FCN1: variants seen among roughly 807,000 people sequenced by gnomAD.
FCN1 encodes ficolin 1.
FCN1 carries 42 observed loss-of-function variants against 35.6 expected under a neutral mutation model. That is an observed-to-expected ratio of 1.18 (90% CI 0.92 to 1.53). FCN1 has a LOEUF of 1.53. Among genes scored for constraint, FCN1 ranks in the 40% most tolerant of loss-of-function variants. FCN1 has a pLI of 0.00. For synonymous variants in FCN1, 179 were observed against 169.8 expected, an observed-to-expected ratio of 1.05 and a Z score of -0.42; for missense variants, 439 against 428.4, an observed-to-expected ratio of 1.02 and a Z score of -0.22.
intron 5 of FCN1, 73 bp from the exon 6 acceptor site, chr9:134,913,216 C>A: frequency 6.3e-7 from 1 of 1,586,818 alleles, no homozygotes; most frequent in South Asian, 1.1e-5. Flanking sequence ...GAGGGAGGCC[C>A]AGGAGGGAGG....
intron 5 of FCN1, 38 bp downstream of exon 5, chr9:134,913,543 C>A: frequency 1.3e-6 from 2 of 1,576,314 alleles, no homozygotes; most frequent in Non-Finnish European, 1.7e-6. Context: ...GGGGTGGGGG[C>A]AAGGCTTGGG....
chr9:134,914,391 C>T lies in FCN1; in HGVS notation c.301G>A (p.Glu101Lys), dbSNP rs1316069783. Residue 101 changes from glutamate to lysine, a missense_variant, in exon 4 of 9, where the codon GAG (glutamate) becomes AAG (lysine). By Grantham distance (56) the Glu-to-Lys change is moderately conservative (BLOSUM62 1). Coordinates refer to ENST00000371806, the MANE Select transcript of FCN1 (RefSeq NM_002003.5). ...GDRGEKGMRG[E>K]KGDAGQSQSC... is the part of the protein sequence containing the mutation. ...GGGCCCACGGGTGGCTCACCTTTCT[C>T]TCCACGCATCCCCTTCTCTCCTCGG... 1.9e-6 allele frequency: 3 copies of T among 1,614,140 alleles called. No individual in the cohort carries two copies. In the South Asian group the frequency reaches 3.3e-5, roughly 18 times the overall value.
rs1830930518 is a variant in FCN1, at chr9:134,905,403, C to G, written c.*4395G>C. Among the ~76,000 whole-genome samples the G allele has an allele frequency of 6.6e-6, 1 of 152,212 alleles. No homozygotes were observed. The highest frequency in any genetic ancestry group is 1.5e-5 in the Non-Finnish European group (1 of 68,042). On this transcript the variant is annotated 3_prime_UTR_variant, in exon 9 of 9. Transcript: ENST00000371806. ...CCATTCAGCTTTATCCCTCAAATCA[C>G]AAAAGCTCTCTCAGTTCTGCTGATG...
intron 6 of FCN1, 111 bp from the exon 7 acceptor site, chr9:134,912,726 G>A (rs773259854): frequency 1.8e-4 from 261 of 1,417,728 alleles, no homozygotes; most frequent in African/African-American, 5.1e-4. Flanking sequence ...ATCACAGGCC[G>A]GTGCCACACG....
In FCN1 at chr9:134,906,863, G is replaced by A. The variant is rs2118928751; in HGVS notation, c.*2935C>T. On this transcript the variant is annotated 3_prime_UTR_variant, in exon 9 of 9. Transcript: ENST00000371806. Reference sequence around the variant, plus strand: ...AGGCGGGTGGATCACTTGAGGTCGGGAGTTCAAGACCAGCCTGGCCAACAC... The same window carrying A: ...AGGCGGGTGGATCACTTGAGGTCGGAAGTTCAAGACCAGCCTGGCCAACAC... The A allele has an allele frequency of 6.6e-6, 1 of 152,278 alleles. No individual in the cohort carries two copies. The highest frequency in any genetic ancestry group is 1.9e-4 in the East Asian group (1 of 5,182). 9.4% of individuals were successfully genotyped at this position (152,278 alleles called of 1,614,324 possible).
At chr9:134,916,323 G>A (rs920375189) in intron 2 of FCN1, 25 bp downstream of exon 2, 2 of 1,561,170 alleles carry the variant, frequency 1.3e-6, no homozygotes, top group Non-Finnish European at 1.8e-6. Context: ...GCCATGCCTG[G>A]CCTCCCCACC....
intron 2 of FCN1, 74 bp from the exon 3 acceptor site, chr9:134,914,883 T>G: frequency 8.0e-7 from 1 of 1,245,200 alleles, no homozygotes; most frequent in Non-Finnish European, 1.2e-6. Context: ...TTGCCCCAAG[T>G]GGTTAAGTCC....
intron 2 of FCN1, 111 bp from the exon 3 acceptor site, chr9:134,914,920 C>T (rs1831072876): frequency 1.3e-6 from 1 of 780,626 alleles, no homozygotes; most frequent in South Asian, 1.6e-5. Flanking sequence ...TGCCTTGAAC[C>T]CCTTCTGGTT....
chr9:134,912,745 T>C lies in FCN1; in HGVS notation c.469-130A>G, dbSNP rs375228420. 1.9e-3 allele frequency: 2,489 copies of C among 1,278,602 alleles called. 64 individuals are homozygous for C. In the South Asian group the frequency reaches 0.032, roughly 16 times the overall value. 79.2% of individuals were successfully genotyped at this position (1,278,602 alleles called of 1,614,324 possible). On this transcript the variant is annotated intron_variant, in intron 6 of 8. Transcript: ENST00000371806. ...CAGGCCGGTGCCACACGCACGCCCATCTGGTCTCCTCACAGACTCCACAGG... is the reference window on the plus strand; with the variant it reads ...CAGGCCGGTGCCACACGCACGCCCACCTGGTCTCCTCACAGACTCCACAGG...
chr9:134,916,534 T>C (rs1831094871), intron 1 of FCN1, 73 bp from the exon 2 acceptor site: 1 of 1,423,898 alleles, frequency 7.0e-7, no homozygotes. Flanking sequence ...TCTGCTCTGC[T>C]GGGGCCTTGG....
At position 134,910,175 on chromosome 9, in the gene FCN1, A is replaced by G. The variant is rs991341868; in HGVS notation, c.734-130T>C. 9 of 850,586 alleles carry G rather than the reference A, an allele frequency of 1.1e-5. No individual in the cohort carries two copies. The East Asian group carries it at 1.9e-4, about 18-fold the overall frequency. The allele number at this position is 850,586 out of a possible 1,614,324, so 52.7% of individuals were successfully genotyped here. On this transcript the variant is annotated intron_variant, in intron 8 of 8. Transcript: ENST00000371806. The stretch of plus-strand genomic sequence containing the variant: ...CGCATGAGCCGAGCTACAGGTGCAC[A>G]AATGACCCACCCAGGCCTTGGAGGA...
chr9:134,909,095 C>G lies in FCN1; in HGVS notation c.*703G>C, dbSNP rs1469837822. ...AGCTTTTCCCACTGAGGTCCGCGGT[C>G]CCCTCTAGCTGAGGTCTGTGTGTGG... On this transcript the variant is annotated 3_prime_UTR_variant, in exon 9 of 9. Coordinates refer to ENST00000371806, the MANE Select transcript of FCN1 (RefSeq NM_002003.5). The G allele has an allele frequency of 1.3e-6, 1 of 744,060 alleles. No homozygotes were observed. Among genetic ancestry groups the G allele is most frequent in the African/African-American group, 1.9e-5 (1 of 53,968 alleles). 46.1% of individuals were successfully genotyped at this position (744,060 alleles called of 1,614,324 possible). A position where few individuals can be genotyped will look rare whatever the true frequency, so the allele number is the denominator to read the frequency against.
At chr9:134,913,451 C>T (rs570092634) in intron 5 of FCN1, 130 bp downstream of exon 5, 40 of 726,302 alleles carry the variant, frequency 5.5e-5, no homozygotes, top group African/African-American at 5.1e-4. Flanking sequence ...GCCCATTACT[C>T]GAGTGATTGA....
At chr9:134,917,506 C>T (rs1831105955) in intron 1 of FCN1, among the ~76,000 whole-genome samples, 2 of 152,180 alleles carry the variant, frequency 1.3e-5, no homozygotes, top group Non-Finnish European at 2.9e-5. Flanking sequence ...TGACAGATTC[C>T]AGACCCACCT....
chr9:134,913,120 G>A lies in FCN1; in HGVS notation c.364C>T (p.Leu122=), dbSNP rs1169112049. The A allele has an allele frequency of 6.2e-7, 1 of 1,613,958 alleles. No homozygotes were observed. The highest frequency in any genetic ancestry group is 1.3e-5 in the African/African-American group (1 of 75,058). The change falls in exon 6 of 9, where the codon CTA becomes TTA. Residue 122 remains leucine (L), a synonymous_variant. Coordinates refer to ENST00000371806, the MANE Select transcript of FCN1 (RefSeq NM_002003.5). The part of the protein sequence containing the change: ...ATGPRNCKDL[L]DRGYFLSGWH... ...CCGCTCAGGAAATACCCCCGGTCTAGCAGGTCCTTGCAGTTGCGTGGGCCT... is the reference window on the plus strand; with the variant it reads ...CCGCTCAGGAAATACCCCCGGTCTAACAGGTCCTTGCAGTTGCGTGGGCCT...
intron 1 of FCN1, 50 bp downstream of exon 1, chr9:134,917,719 G>T: frequency 8.3e-7 from 1 of 1,209,166 alleles, no homozygotes; most frequent in Non-Finnish European, 1.2e-6. Context: ...GTGTCAGTGA[G>T]TGGGGTTGTT....
At chr9:134,910,438 A>G (rs3789920) in intron 8 of FCN1, among the ~76,000 whole-genome samples, 2,752 of 152,160 alleles carry the variant, frequency 0.018, 80 homozygotes, top group South Asian at 0.11. Context: ...CTTCTCCTCT[A>G]TCTCAAGCCC....
At chr9:134,913,644 G>C (rs1204435783) in intron 4 of FCN1, 31 bp from the exon 5 acceptor site, 1 of 1,580,688 alleles carries the variant, frequency 6.3e-7, no homozygotes, top group Non-Finnish European at 8.6e-7. Flanking sequence ...CTTGTCATAA[G>C]CTTGAAATCA....
intron 8 of FCN1, among the ~76,000 whole-genome samples, chr9:134,910,461 T>C (rs1365542549): frequency 6.6e-6 from 1 of 152,176 alleles, no homozygotes; most frequent in African/African-American, 2.4e-5. Context: ...AGCCGGAAGC[T>C]CATCCCTGGC....
Sources: gnomAD v4.1 joint callset for allele counts (sites outside exome capture counted in the v4.1 genomes callset) on GRCh38, gnomAD v4.1.1 for gene constraint, MANE v1.5 for transcripts, NCBI Gene and HGNC (gene_info 2026-07-23, HGNC 2026-07-21) for gene names.